FERRY3: variants seen among roughly 807,000 people sequenced by gnomAD.
FERRY3 encodes the protein FERRY endosomal RAB5 effector complex subunit 3, also known as protein C12orf4.
At chr12:4,531,350 G>T in the FERRY3 span, among the ~76,000 whole-genome samples, 2 of 152,092 alleles carry the variant, frequency 1.3e-5, no homozygotes, top group South Asian at 4.2e-4. Flanking sequence ...TTGTAGGGAG[G>T]AGCTACTGTA....
chr12:4,524,911 T>G, the FERRY3 span: 4 of 172,486 alleles, frequency 2.3e-5, no homozygotes, highest in Non-Finnish European at 3.7e-5. Flanking sequence ...TAGGCAGGGG[T>G]TTTTTTTGTT....
the FERRY3 span, among the ~76,000 whole-genome samples, chr12:4,516,725 A>G: frequency 1.3e-5 from 2 of 152,176 alleles, no homozygotes; most frequent in African/African-American, 4.8e-5. Flanking sequence ...AGGGAAGAAC[A>G]TCAGGAAGAA....
the FERRY3 span, chr12:4,500,394 AT>A: frequency 6.7e-7 from 1 of 1,482,624 alleles, no homozygotes; most frequent in Non-Finnish European, 9.4e-7. Flanking sequence ...AGTCACATTC[AT>A]CAATGGGCTT....
At chr12:4,518,272 G>A in the FERRY3 span, 1 of 1,609,560 alleles carries the variant, frequency 6.2e-7, no homozygotes, top group Non-Finnish European at 8.5e-7. Context: ...GTAGGCAATA[G>A]TCCAGGAAAG....
At chr12:4,509,773 G>A in the FERRY3 span, among the ~76,000 whole-genome samples, 1 of 140,616 alleles carries the variant, frequency 7.1e-6, no homozygotes, top group Non-Finnish European at 1.5e-5. Context: ...AAGACCAAAA[G>A]TAGATAAAAC....
At chr12:4,524,374 G>T in the FERRY3 span, among the ~76,000 whole-genome samples, 4 of 152,072 alleles carry the variant, frequency 2.6e-5, no homozygotes, top group Non-Finnish European at 4.4e-5. Context: ...ATTTAGATAA[G>T]AGATGATAGA....
At chr12:4,497,059 A>G in the FERRY3 span, among the ~76,000 whole-genome samples, 1 of 152,240 alleles carries the variant, frequency 6.6e-6, no homozygotes, top group Non-Finnish European at 1.5e-5. Flanking sequence ...AATTCTCAAC[A>G]GAAATGTCAA....
the FERRY3 span, among the ~76,000 whole-genome samples, chr12:4,503,030 A>G: frequency 1.3e-5 from 2 of 152,212 alleles, no homozygotes; most frequent in Admixed American, 1.3e-4. Context: ...AGTGAAGTGT[A>G]TTACCTTCTA....
At chr12:4,496,802 G>C in the FERRY3 span, among the ~76,000 whole-genome samples, 3 of 152,138 alleles carry the variant, frequency 2.0e-5, no homozygotes, top group Admixed American at 2.0e-4. Flanking sequence ...GCTCCAATGG[G>C]GAATATCCAA....
the FERRY3 span, among the ~76,000 whole-genome samples, chr12:4,515,742 T>C: frequency 6.6e-6 from 1 of 152,176 alleles, no homozygotes; most frequent in African/African-American, 2.4e-5. Flanking sequence ...GACAATGTGA[T>C]TATATTTAAC....
chr12:4,529,899 C>T, the FERRY3 span: 1 of 1,599,024 alleles, frequency 6.3e-7, no homozygotes, highest in Admixed American at 1.8e-5. Flanking sequence ...CTCCACATCT[C>T]TTTCACCAAT....
chr12:4,507,138 T>A, the FERRY3 span, among the ~76,000 whole-genome samples: 1 of 152,138 alleles, frequency 6.6e-6, no homozygotes, highest in Non-Finnish European at 1.5e-5. Flanking sequence ...CTCCTCCTCC[T>A]TCCACACCTG....
At chr12:4,517,284 A>G in the FERRY3 span, 1 of 1,198,294 alleles carries the variant, frequency 8.3e-7, no homozygotes, top group African/African-American at 1.6e-5. Context: ...AGAAAATAAT[A>G]CTTATTTTTC....
At chr12:4,489,903 T>C in the FERRY3 span, 1 of 1,558,966 alleles carries the variant, frequency 6.4e-7, no homozygotes, top group Non-Finnish European at 8.8e-7. Context: ...AAATACTCTG[T>C]AAGACGAAAA....
At chr12:4,500,398 A>G in the FERRY3 span, 10 of 1,459,746 alleles carry the variant, frequency 6.9e-6, no homozygotes, top group South Asian at 1.0e-4. Context: ...ACATTCATCA[A>G]TGGGCTTTAT....
the FERRY3 span, chr12:4,525,539 G>C: frequency 6.2e-7 from 1 of 1,612,546 alleles, no homozygotes; most frequent in African/African-American, 1.3e-5. Context: ...ATCTGTCAGT[G>C]ATTTTCCCAA....
the FERRY3 span, among the ~76,000 whole-genome samples, chr12:4,509,606 C>A: frequency 0.011 from 1,612 of 144,060 alleles, 86 homozygotes; most frequent in African/African-American, 0.044. Flanking sequence ...CCCCGAGCAG[C>A]CTAACTGGGA....
At chr12:4,529,607 A>T in the FERRY3 span, among the ~76,000 whole-genome samples, 1 of 152,202 alleles carries the variant, frequency 6.6e-6, no homozygotes, top group Non-Finnish European at 1.5e-5. Context: ...AACAGAAGTA[A>T]TCTATTCCTC....
the FERRY3 span, among the ~76,000 whole-genome samples, chr12:4,515,674 G>C: frequency 6.6e-6 from 1 of 152,076 alleles, no homozygotes; most frequent in Non-Finnish European, 1.5e-5. Flanking sequence ...GGGAGATTTT[G>C]GTCAAGGGGT....
Sources: gnomAD v4.1 joint callset for allele counts (sites outside exome capture counted in the v4.1 genomes callset) on GRCh38, gnomAD v4.1.1 for gene constraint, MANE v1.5 for transcripts, NCBI Gene and HGNC (gene_info 2026-07-23, HGNC 2026-07-21) for gene names.